Variants in UMODL1 observed in about 807,000 individuals in gnomAD.
The protein encoded by UMODL1 is uromodulin like 1.
Under a neutral mutation model 136.3 loss-of-function variants are expected in UMODL1, and 128 were observed. That is an observed-to-expected ratio of 0.94 (90% CI 0.81 to 1.09). The LOEUF (loss-of-function observed/expected upper bound fraction) is 1.09, where lower values mean the gene tolerates loss of function less well. Among genes scored for constraint, UMODL1 ranks in the 50% least tolerant of loss-of-function variants. The pLI is 0.00. For missense variants in UMODL1, 1,766 were observed against 1,725.6 expected (o/e 1.02, Z -0.41); for synonymous variants, 721 against 720.0 (o/e 1.00, Z -0.02).
chr21:42,114,960 C>A (rs1305590050), intron 13 of UMODL1, among the ~76,000 whole-genome samples: 1 of 152,228 alleles, frequency 6.6e-6, no homozygotes, highest in Non-Finnish European at 1.5e-5. Context: ...TCATGCCAGC[C>A]ATGGAGACTG....
rs1381768835 is a variant in UMODL1 at position 42,113,739 on chromosome 21, G to A, written c.2271G>A (p.Ser757=). ...CCTGGAACACGAGTGTGACACTGTC[G>A]GGGCTGGAGCCTGGGGTCTTGCACC... ...LETWNTSVTL[S]GLEPGVLHLV... is the part of the protein sequence containing the mutation. The change falls in exon 13 of 23, where the codon TCG becomes TCA. Residue 757 remains serine (S), a synonymous_variant. Transcript: ENST00000408910. 9 of 1,613,962 alleles carry A rather than the reference G, an allele frequency of 5.6e-6. No individual in the cohort carries two copies. The highest frequency in any genetic ancestry group is 2.2e-5 in the South Asian group (2 of 91,086).
chr21:42,090,407 G>A lies in UMODL1; in HGVS notation c.900G>A (p.Thr300=), dbSNP rs772466771. The A allele has an allele frequency of 2.4e-5, 39 of 1,613,836 alleles. No individual in the cohort carries two copies. Among genetic ancestry groups the A allele is most frequent in the East Asian group, 4.5e-5 (2 of 44,898 alleles). Residue 300 remains threonine (T), a synonymous_variant, in exon 6 of 23, where the codon ACG becomes ACA. Coordinates refer to ENST00000408910, the MANE Select transcript of UMODL1 (RefSeq NM_001004416.3). ...TCTGTCACCAGGAAGCTCCAGCCAC[G>A]TCTCCACGGAAGCTGAACCTGGAGT... ...WCVCHQEAPA[T]SPRKLNLEWE...
intron 8 of UMODL1, chr21:42,103,007 CT>C (rs1263822472): frequency 3.9e-5 from 6 of 155,696 alleles, no homozygotes; most frequent in Non-Finnish European, 5.7e-5. Flanking sequence ...TGCACCTGAG[CT>C]GAGGAACCCC....
chr21:42,130,221 CGTGTGT>C (rs112746788), intron 21 of UMODL1, among the ~76,000 whole-genome samples: 1 of 150,462 alleles, frequency 6.6e-6, no homozygotes, highest in Non-Finnish European at 1.5e-5. Context: ...GCCATGTCAA[CGTGTGT>C]GTGTGTGTGT....
chr21:42,111,436 G>A (rs184368727), intron 11 of UMODL1, 70 bp from the exon 12 acceptor site: 51 of 1,613,744 alleles, frequency 3.2e-5, no homozygotes, highest in Non-Finnish European at 3.6e-5. Flanking sequence ...CCTCCTCCCC[G>A]AAGGCTACTG....
At chr21:42,124,354 G>A (rs1460012815) in intron 17 of UMODL1, among the ~76,000 whole-genome samples, 2 of 152,184 alleles carry the variant, frequency 1.3e-5, no homozygotes, top group African/African-American at 2.4e-5. Context: ...GAGGGAGCCC[G>A]TGCCGGCTCT....
chr21:42,113,885 TTC>T (rs1165064780), intron 13 of UMODL1, 55 bp downstream of exon 13: 29 of 1,576,600 alleles, frequency 1.8e-5, no homozygotes, highest in Non-Finnish European at 2.5e-5. Context: ...GAAAAAGACT[TTC>T]TGTGGGTTAA....
At chr21:42,067,568 T>TCCAGGGCTTTCC (rs1412584834), upstream of UMODL1, among the ~76,000 whole-genome samples, 2 of 152,194 alleles carry the variant, frequency 1.3e-5, no homozygotes, top group Middle Eastern at 3.2e-3. Flanking sequence ...TGGCTCCTAA[T>TCCAGGGCTTTCC]CCAGGGCTTT....
chr21:42,135,633 C>A (rs1326839021), intron 21 of UMODL1, among the ~76,000 whole-genome samples: 1 of 152,218 alleles, frequency 6.6e-6, no homozygotes, highest in Non-Finnish European at 1.5e-5. Flanking sequence ...CACTACAGAG[C>A]CCCTGGGGGC....
chr21:42,123,113 A>C lies in UMODL1; in HGVS notation c.3110A>C (p.Glu1037Ala). 1.2e-6 allele frequency: 2 copies of C among 1,613,950 alleles called. No individual in the cohort carries two copies. Residue 1037 changes from glutamate (E) to alanine (A), a missense_variant, in exon 17 of 23, where the codon GAG becomes GCG. Coordinates refer to ENST00000408910, the MANE Select transcript of UMODL1 (RefSeq NM_001004416.3). This position sits in a 1 kb window ranked among gnomAD's most constrained non-coding sequence, Gnocchi z 4.4. ...SHSNGTHVLL[E>A]AGWSECGTLM... ...AGCAATGGCACACACGTGCTCCTGG[A>C]GGCCGGCTGGAGCGAGTGTGGGACC...
At chr21:42,069,062 T>G (rs2066206741), upstream of UMODL1, among the ~76,000 whole-genome samples, 1 of 152,200 alleles carries the variant, frequency 6.6e-6, no homozygotes, top group African/African-American at 2.4e-5. Flanking sequence ...GGACACCAAG[T>G]GCTGGAGAAT....
At position 42,127,817 on chromosome 21, in the gene UMODL1, G is replaced by C. The variant is rs115842277; in HGVS notation, c.3676G>C (p.Ala1226Pro). The C allele has an allele frequency of 1.4e-3, 2,269 of 1,612,314 alleles. 27 individuals are homozygous for C. The African/African-American group carries it at 0.027, about 19-fold the overall frequency. ...KLRVCMESPG[A>P]TCKINCNNFR... is the part of the protein sequence containing the mutation. ...CCGCGTCTGCATGGAATCCCCCGGA[G>C]CCACGTGCAAAATCGTAAGTGTTTT... The change falls in exon 20 of 23, where the codon GCC becomes CCC. Residue 1226 changes from alanine to proline, a missense_variant. Coordinates refer to ENST00000408910, the MANE Select transcript of UMODL1 (RefSeq NM_001004416.3).
At chr21:42,102,390 A>G (rs2066647391) in intron 8 of UMODL1, 112 bp downstream of exon 8, 2 of 793,402 alleles carry the variant, frequency 2.5e-6, no homozygotes, top group South Asian at 3.6e-5. Flanking sequence ...GCAAAAATAC[A>G]TGTTACTGCA....
Position 42,123,302 on chromosome 21 carries a change from G to T in UMODL1, c.3147+152G>T, listed in dbSNP as rs939047415. 7.8e-6 allele frequency: 7 copies of T among 899,500 alleles called. No individual in the cohort carries two copies. The highest frequency in any genetic ancestry group is 3.0e-5 in the Admixed American group (1 of 33,790). 55.7% of individuals were successfully genotyped at this position (899,500 alleles called of 1,614,324 possible). On this transcript the variant is annotated intron_variant, in intron 17 of 22. Transcript: ENST00000408910. This position sits in a 1 kb window ranked among gnomAD's most constrained non-coding sequence, Gnocchi z 4.4. Reference sequence around the variant, plus strand: ...AGGACAGGGTTGAGTTCTCAACCAGGGACCAGCCTGCACCCCAGAATCGGA... The same window carrying T: ...AGGACAGGGTTGAGTTCTCAACCAGTGACCAGCCTGCACCCCAGAATCGGA...
chr21:42,088,874 A>C (rs1471253364), intron 5 of UMODL1, among the ~76,000 whole-genome samples: 1 of 151,736 alleles, frequency 6.6e-6, no homozygotes, highest in African/African-American at 2.4e-5. Context: ...TGGTTTCCTA[A>C]ATTTCCCTCT....
chr21:42,075,243 G>GGA (rs1555917882), intron 1 of UMODL1, among the ~76,000 whole-genome samples: 1 of 49,014 alleles, frequency 2.0e-5, no homozygotes, highest in Non-Finnish European at 4.5e-5. Context: ...GCTGGAGATG[G>GGA]GGGGGGGGTT....
rs748076989 is a variant in UMODL1, at chr21:42,088,415, A to G, written c.725A>G (p.Asp242Gly). ...CTGCCACGGCCACTGCCTGTGGCTGACGTCTCCACCCTGCTGGGTGACATT... is the reference window on the plus strand; with the variant it reads ...CTGCCACGGCCACTGCCTGTGGCTGGCGTCTCCACCCTGCTGGGTGACATT... ...LGLPRPLPVA[D>G]VSTLLGDIAK... Residue 242 changes from aspartate to glycine, a missense_variant, in exon 5 of 23, where the codon GAC becomes GGC. By Grantham distance (94) the Asp-to-Gly change is moderately conservative. Transcript: ENST00000408910. The G allele has an allele frequency of 1.9e-5, 30 of 1,614,024 alleles. No individual in the cohort carries two copies. The highest frequency in any genetic ancestry group is 2.5e-5 in the Non-Finnish European group (30 of 1,179,966).
At chr21:42,106,650 G>GGGAGGCCT (rs1225787302) in intron 9 of UMODL1, among the ~76,000 whole-genome samples, 1 of 152,222 alleles carries the variant, frequency 6.6e-6, no homozygotes, top group Non-Finnish European at 1.5e-5. Flanking sequence ...ACCATGTGCT[G>GGGAGGCCT]GGAGGCCTGG....
At chr21:42,107,613 G>T (rs1168346495) in intron 9 of UMODL1, among the ~76,000 whole-genome samples, 2 of 152,176 alleles carry the variant, frequency 1.3e-5, no homozygotes, top group Admixed American at 6.5e-5. Context: ...AGGATGAGGT[G>T]CTCTGTGCCC....
Sources: allele counts gnomAD v4.1 joint callset (sites outside exome capture counted in the v4.1 genomes callset), GRCh38; gene constraint gnomAD v4.1.1; non-coding constraint Gnocchi (gnomAD v3.1); transcripts MANE v1.5; gene names NCBI Gene and HGNC (gene_info 2026-07-23, HGNC 2026-07-21).